The following NT5C2 variants were observed in gnomAD, a reference collection of about 807,000 sequenced individuals.
NT5C2 encodes 5'-nucleotidase, cytosolic II.
NT5C2 carries 58 observed loss-of-function variants against 76.1 expected under a neutral mutation model. The observed-to-expected ratio is 0.76, with a 90% confidence interval of 0.62 to 0.95. The LOEUF is 0.95. NT5C2 is among the 40% of genes least tolerant of loss of function. The pLI is 0.00. For synonymous variants in NT5C2, 229 were observed against 237.4 expected, an observed-to-expected ratio of 0.96 and a Z score of 0.32; for missense variants, 478 against 690.3, an observed-to-expected ratio of 0.69 and a Z score of 3.45.
intron 4 of NT5C2, among the ~76,000 whole-genome samples, chr10:103,129,694 C>T (rs2077633612): frequency 1.1e-5 from 1 of 91,544 alleles, no homozygotes; most frequent in Non-Finnish European, 2.3e-5. Flanking sequence ...GCCCGGCCGC[C>T]CCTACTGGGA....
At chr10:103,101,394 T>C in intron 6 of NT5C2, 68 bp from the exon 7 acceptor site, 1 of 908,610 alleles carries the variant, frequency 1.1e-6, no homozygotes, top group African/African-American at 1.7e-5. Context: ...AATAGCATTA[T>C]TCAAAAATTA....
rs1338040632 is a variant in NT5C2 at position 103,089,690 on chromosome 10, CTCCTCT to C, written c.1662_1667del (p.Glu559_Glu560del). ...TTCCTCCTTATTCTTCCTCCTCCTC[CTCCTCT>C]TCATCATCATCTTCGTCATGGCAGT... On this transcript the variant is annotated inframe_deletion, in exon 19 of 19. Transcript: ENST00000404739. 20 of 1,607,820 alleles carry C rather than the reference CTCCTCT, an allele frequency of 1.2e-5. No homozygotes were observed. Among genetic ancestry groups the C allele is most frequent in the Middle Eastern group, 1.7e-4 (1 of 5,914 alleles).
chr10:103,141,500 A>C (rs549146049), intron 3 of NT5C2, among the ~76,000 whole-genome samples: 9 of 152,158 alleles, frequency 5.9e-5, no homozygotes, highest in Non-Finnish European at 1.2e-4. Flanking sequence ...AATATTATCC[A>C]AGTCTTTCTT....
intron 3 of NT5C2, among the ~76,000 whole-genome samples, chr10:103,147,224 C>T (rs1046448156): frequency 5.9e-5 from 9 of 152,162 alleles, no homozygotes. Flanking sequence ...ACTACCTACC[C>T]AATTAATAAA....
intron 15 of NT5C2, 83 bp from the exon 16 acceptor site, chr10:103,091,698 C>A: frequency 8.7e-7 from 1 of 1,144,412 alleles, no homozygotes; most frequent in Non-Finnish European, 1.3e-6. Flanking sequence ...TAAAAGGTTG[C>A]AGATGTGACT....
chr10:103,167,048 C>T (rs899457513), intron 3 of NT5C2, among the ~76,000 whole-genome samples: 3 of 151,354 alleles, frequency 2.0e-5, no homozygotes, highest in Non-Finnish European at 4.4e-5. Flanking sequence ...GACAGTCTCG[C>T]TCTGTCACCC....
chr10:103,126,742 CGACA>C (rs1407968683), intron 4 of NT5C2, among the ~76,000 whole-genome samples: 4 of 152,216 alleles, frequency 2.6e-5, no homozygotes, highest in African/African-American at 9.7e-5. Context: ...CATCTGTACT[CGACA>C]GACAAACTAC....
At chr10:103,171,342 C>T (rs2087939155) in intron 3 of NT5C2, among the ~76,000 whole-genome samples, 1 of 152,206 alleles carries the variant, frequency 6.6e-6, no homozygotes, top group African/African-American at 2.4e-5. Context: ...CTTTCCTATA[C>T]AGAGAAGACT....
intron 1 of NT5C2, among the ~76,000 whole-genome samples, chr10:103,189,778 CGT>C (rs2092466391): frequency 6.6e-6 from 1 of 150,878 alleles, no homozygotes; most frequent in Admixed American, 6.6e-5. Context: ...AAGCGATTCT[CGT>C]GTCTCAGCCT....
At chr10:103,141,805 C>T (rs1454202455) in intron 3 of NT5C2, among the ~76,000 whole-genome samples, 2 of 152,154 alleles carry the variant, frequency 1.3e-5, no homozygotes, top group Non-Finnish European at 2.9e-5. Flanking sequence ...CTGTACCAGC[C>T]CTCATGAAAC....
intron 3 of NT5C2, 141 bp from the exon 4 acceptor site, chr10:103,139,620 T>C (rs2079990985): frequency 1.7e-6 from 1 of 592,026 alleles, no homozygotes. Context: ...TATATTAAGA[T>C]GTATAACACG....
intron 1 of NT5C2, among the ~76,000 whole-genome samples, chr10:103,183,291 A>ATATATATATATATTTATATATATATATC (rs1554841794): frequency 1.6e-5 from 2 of 128,146 alleles, no homozygotes; most frequent in Non-Finnish European, 3.2e-5. Flanking sequence ...ATATATATAT[A>ATATATATATATATTTATATATATATATC]TATCACACAC....
intron 6 of NT5C2, among the ~76,000 whole-genome samples, chr10:103,102,531 C>CTT (rs775499358): frequency 3.5e-5 from 5 of 143,900 alleles, no homozygotes; most frequent in East Asian, 2.0e-4. Context: ...TTTCTTTTTT[C>CTT]TTTTTTTTTT....
At chr10:103,107,449 C>T (rs12255989) in intron 4 of NT5C2, among the ~76,000 whole-genome samples, 22,627 of 152,048 alleles carry the variant, frequency 0.15, 1,744 homozygotes, top group Middle Eastern at 0.22. Flanking sequence ...CCGAGGCGGG[C>T]AGATCACTTG....
In NT5C2 at chr10:103,135,720, G is replaced by A. The variant is rs548598619; in HGVS notation, c.175+3686C>T. On this transcript the variant is annotated intron_variant, in intron 4 of 18. Transcript: ENST00000404739. ...GGAGAATCGATTGAACCCAGGAGGC[G>A]GAGGTTGCAATGAGCTGAGATCGCA... Among the ~76,000 whole-genome samples, 11 of 147,396 alleles carry A rather than the reference G, an allele frequency of 7.5e-5. No homozygotes were observed. The East Asian group carries it at 1.8e-3, about 25-fold the overall frequency.
chr10:103,142,267 A>C (rs1226472421), intron 3 of NT5C2, among the ~76,000 whole-genome samples: 1 of 152,242 alleles, frequency 6.6e-6, no homozygotes, highest in Non-Finnish European at 1.5e-5. Context: ...AAAATATCAG[A>C]GTTTAAGGAA....
At chr10:103,151,161 T>C (rs72846111) in intron 3 of NT5C2, among the ~76,000 whole-genome samples, 256 of 152,210 alleles carry the variant, frequency 1.7e-3, no homozygotes, top group Middle Eastern at 3.4e-3. Context: ...AGTACATTTG[T>C]TAAAAACACT....
chr10:103,169,338 G>A (rs1351794317), intron 3 of NT5C2: 6 of 151,926 alleles, frequency 3.9e-5, no homozygotes, highest in Non-Finnish European at 7.4e-5. Flanking sequence ...TTTTAAACAC[G>A]GGGCATGGTG....
At chr10:103,096,845 C>CAAAAAAAAAAAA (rs71019656) in intron 11 of NT5C2, among the ~76,000 whole-genome samples, 1 of 31,372 alleles carries the variant, frequency 3.2e-5, no homozygotes, top group African/African-American at 1.2e-4. Flanking sequence ...GACTCTGTCT[C>CAAAAAAAAAAAA]AAAAAAAAAA....
Sources: gnomAD v4.1 joint callset for allele counts (sites outside exome capture counted in the v4.1 genomes callset) on GRCh38, gnomAD v4.1.1 for gene constraint, MANE v1.5 for transcripts, NCBI Gene and HGNC (gene_info 2026-07-23, HGNC 2026-07-21) for gene names.